CSMD3: variants seen among roughly 807,000 people sequenced by gnomAD.
CSMD3 encodes the protein CUB and sushi domain-containing protein 3.
CSMD3 carries 177 observed loss-of-function variants against 435.2 expected under a neutral mutation model. The observed-to-expected ratio is 0.41, with a 90% confidence interval of 0.36 to 0.46. CSMD3 has a LOEUF of 0.46. Among genes scored for constraint, CSMD3 ranks in the 20% least tolerant of loss-of-function variants. The probability of loss-of-function intolerance (pLI) is 0.34; values close to 1 mark genes in which losing one functional copy is unlikely to be tolerated. For synonymous variants in CSMD3, 1,656 were observed against 1,520.5 expected (o/e 1.09, Z -2.07); for missense variants, 4,265 against 4,504.6 (o/e 0.95, Z 1.52).
In CSMD3 at chr8:113,241,764, C is replaced by T. The variant is rs1588348791; in HGVS notation, c.514+36828G>A. Among the ~76,000 whole-genome samples, 6 of 151,766 alleles carry T rather than the reference C, an allele frequency of 4.0e-5. 1 individual carries two copies. The highest frequency in any genetic ancestry group is 3.9e-4 in the Admixed American group (6 of 15,206). ...AATTCCAAGGAATGAAATGTCACTC[C>T]AAAAAGAAAAATAAAATTTGAGTGG... On this transcript the variant is annotated intron_variant, in intron 3 of 70. Coordinates refer to ENST00000297405, the MANE Select transcript of CSMD3 (RefSeq NM_198123.2).
chr8:113,077,090 A>C (rs1476630823), intron 5 of CSMD3, among the ~76,000 whole-genome samples: 1 of 152,132 alleles, frequency 6.6e-6, no homozygotes, highest in Non-Finnish European at 1.5e-5. Flanking sequence ...AGTGTGATAA[A>C]ATTACACAGA....
chr8:112,683,420 T>G (rs2075945617), intron 15 of CSMD3, among the ~76,000 whole-genome samples: 1 of 152,064 alleles, frequency 6.6e-6, no homozygotes, highest in African/African-American at 2.4e-5. Flanking sequence ...TTGGCTTATT[T>G]GTCTCATGTA....
At chr8:113,217,701 C>CTTA (rs1331814238) in intron 3 of CSMD3, among the ~76,000 whole-genome samples, 2 of 151,228 alleles carry the variant, frequency 1.3e-5, no homozygotes, top group Non-Finnish European at 1.5e-5. Flanking sequence ...TTAGCAAAGG[C>CTTA]TTAGTGATAT....
At chr8:113,296,245 A>T (rs1161814174) in intron 2 of CSMD3, among the ~76,000 whole-genome samples, 2 of 151,638 alleles carry the variant, frequency 1.3e-5, no homozygotes, top group Non-Finnish European at 2.9e-5. Flanking sequence ...ATGTATACAT[A>T]TGTAACAAAC....
rs531688235 is a variant in CSMD3, at chr8:112,905,051, G to T, written c.1633+16576C>A. Among the ~76,000 whole-genome samples, 8 of 151,322 alleles carry T rather than the reference G, an allele frequency of 5.3e-5. No homozygotes were observed. In the East Asian group the frequency reaches 5.9e-4, roughly 11 times the overall value. ...GCCTATGACATTCAGATTAATCAAA[G>T]TATCTGATTAATGGGAATTCTCATA... On this transcript the variant is annotated intron_variant, in intron 10 of 70. Coordinates refer to ENST00000297405, the MANE Select transcript of CSMD3 (RefSeq NM_198123.2).
intron 1 of CSMD3, among the ~76,000 whole-genome samples, chr8:113,402,537 C>T (rs890110922): frequency 2.0e-5 from 3 of 151,212 alleles, no homozygotes; most frequent in African/African-American, 4.8e-5. Flanking sequence ...ATAATGTCCC[C>T]GAATTTAAAA....
At chr8:112,668,730 A>C (rs2075585199) in intron 16 of CSMD3, among the ~76,000 whole-genome samples, 1 of 152,050 alleles carries the variant, frequency 6.6e-6, no homozygotes. Context: ...TTCTTCCAAA[A>C]GTATAGGAAC....
At chr8:112,553,792 G>T (rs16883807) in intron 25 of CSMD3, among the ~76,000 whole-genome samples, 2,347 of 152,088 alleles carry the variant, frequency 0.015, 66 homozygotes, top group African/African-American at 0.053. Flanking sequence ...GATAACACTA[G>T]AATCTAATGG....
intron 38 of CSMD3, among the ~76,000 whole-genome samples, chr8:112,359,167 A>G (rs746338494): frequency 6.6e-6 from 1 of 152,184 alleles, no homozygotes; most frequent in Non-Finnish European, 1.5e-5. Flanking sequence ...TGGGTTAGAA[A>G]AAGAGGTCAC....
At chr8:112,410,628 G>GTGTA (rs1554670662) in intron 32 of CSMD3, among the ~76,000 whole-genome samples, 2 of 69,954 alleles carry the variant, frequency 2.9e-5, no homozygotes, top group East Asian at 4.4e-4. Context: ...ATATATATGT[G>GTGTA]TATATATATG....
At chr8:112,298,066 C>CAAAAAAAAAAAAAAAA in intron 53 of CSMD3, among the ~76,000 whole-genome samples, 1 of 93,586 alleles carries the variant, frequency 1.1e-5, no homozygotes, top group Non-Finnish European at 2.2e-5. Flanking sequence ...TGCCATTGCA[C>CAAAAAAAAAAAAAAAA]AAAAAAAAAA....
At chr8:112,845,030 G>A (rs1196656474) in intron 11 of CSMD3, among the ~76,000 whole-genome samples, 1 of 151,944 alleles carries the variant, frequency 6.6e-6, no homozygotes, top group Non-Finnish European at 1.5e-5. Flanking sequence ...GGGAACAGTA[G>A]TGGAAAAAAT....
intron 13 of CSMD3, among the ~76,000 whole-genome samples, chr8:112,745,806 A>G (rs1343129275): frequency 6.6e-6 from 1 of 152,064 alleles, no homozygotes; most frequent in African/African-American, 2.4e-5. Context: ...AATGTAGGGT[A>G]TTTATTTTAT....
At chr8:113,108,135 G>T (rs994413675) in intron 4 of CSMD3, among the ~76,000 whole-genome samples, 1 of 152,014 alleles carries the variant, frequency 6.6e-6, no homozygotes, top group African/African-American at 2.4e-5. Context: ...TACATTTTAA[G>T]AACAAGATAT....
intron 22 of CSMD3, among the ~76,000 whole-genome samples, chr8:112,587,701 C>A (rs1317776189): frequency 6.6e-6 from 1 of 151,604 alleles, no homozygotes; most frequent in Non-Finnish European, 1.5e-5. Flanking sequence ...ATTCCGCTGA[C>A]ACAAGAATTT....
intron 61 of CSMD3, among the ~76,000 whole-genome samples, chr8:112,261,155 T>G (rs1816358183): frequency 6.6e-6 from 1 of 152,058 alleles, no homozygotes. Context: ...TGCCCAGTAT[T>G]TGCCATCACT....
At chr8:113,076,927 T>C (rs1291903518) in intron 5 of CSMD3, among the ~76,000 whole-genome samples, 2 of 152,158 alleles carry the variant, frequency 1.3e-5, no homozygotes, top group Non-Finnish European at 2.9e-5. Context: ...ACTGTTATAC[T>C]ATTCCTGAAG....
intron 13 of CSMD3, among the ~76,000 whole-genome samples, chr8:112,758,767 T>C (rs1006962885): frequency 6.6e-6 from 1 of 152,188 alleles, no homozygotes; most frequent in African/African-American, 2.4e-5. Context: ...AAGGAGATAA[T>C]GCACATGAAG....
intron 36 of CSMD3, among the ~76,000 whole-genome samples, chr8:112,387,795 C>T (rs1830103270): frequency 6.6e-6 from 1 of 152,100 alleles, no homozygotes; most frequent in African/African-American, 2.4e-5. Flanking sequence ...TTTCTGCAAA[C>T]ATCTTAGTAG....
Sources: allele counts gnomAD v4.1 joint callset (sites outside exome capture counted in the v4.1 genomes callset), GRCh38; gene constraint gnomAD v4.1.1; transcripts MANE v1.5; gene names NCBI Gene and HGNC (gene_info 2026-07-23, HGNC 2026-07-21).